DNAH7: variants seen among roughly 807,000 people sequenced by gnomAD.
The protein encoded by DNAH7 is dynein axonemal heavy chain 7.
In DNAH7, 397 loss-of-function variants were observed where a neutral mutation model predicts 444.6. That is an observed-to-expected ratio of 0.89 (90% CI 0.82 to 0.97). DNAH7 has a LOEUF of 0.97. Ranked by LOEUF, DNAH7 falls within the 50% of genes least tolerant of loss-of-function variation. The probability of loss-of-function intolerance (pLI) is 0.00; values close to 1 mark genes in which losing one functional copy is unlikely to be tolerated. For synonymous variants in DNAH7, 1,636 were observed against 1,624.4 expected (o/e 1.01, Z -0.17); for missense variants, 4,902 against 4,800.8 (o/e 1.02, Z -0.62).
chr2:196,040,986 G>A (rs1390562439), intron 5 of DNAH7, among the ~76,000 whole-genome samples: 1 of 151,522 alleles, frequency 6.6e-6, no homozygotes, highest in East Asian at 1.9e-4. Context: ...AATTACCTAG[G>A]AAGAAATTTA....
At chr2:195,917,078 G>A (rs915614735) in intron 24 of DNAH7, among the ~76,000 whole-genome samples, 2 of 145,746 alleles carry the variant, frequency 1.4e-5, no homozygotes, top group African/African-American at 5.2e-5. Flanking sequence ...CTCCAGCCTG[G>A]GCAACAGAGT....
Position 195,960,942 on chromosome 2 carries a change from C to T in DNAH7, c.2209G>A (p.Glu737Lys), listed in dbSNP as rs772649162. 18 of 1,581,034 alleles carry T rather than the reference C, an allele frequency of 1.1e-5. No individual in the cohort carries two copies. Among genetic ancestry groups the T allele is most frequent in the South Asian group, 4.7e-5 (4 of 85,990 alleles). ...GKLDLAADKI[E>K]QFNAEEEAFG... The stretch of plus-strand genomic sequence containing the variant: ...GCTTCCTCTTCAGCATTAAACTGCT[C>T]AATCTGAAAGGATAAGTATTGAATA... The change falls in exon 18 of 65, where the codon GAG (glutamate) becomes AAG (lysine). Residue 737 changes from glutamate to lysine, a missense_variant. By Grantham distance (56) the Glu-to-Lys change is moderately conservative. Transcript: ENST00000312428.
chr2:195,985,734 A>G (rs1692863077), intron 14 of DNAH7, among the ~76,000 whole-genome samples: 1 of 151,724 alleles, frequency 6.6e-6, no homozygotes, highest in South Asian at 2.1e-4. Flanking sequence ...AGGCAGGGGA[A>G]GTAGCTACGA....
intron 63 of DNAH7, among the ~76,000 whole-genome samples, chr2:195,748,641 G>T (rs1436628461): frequency 6.6e-6 from 1 of 152,120 alleles, no homozygotes; most frequent in Non-Finnish European, 1.5e-5. Flanking sequence ...AACAGAGATA[G>T]AGACCAATGG....
intron 30 of DNAH7, 66 bp downstream of exon 30, chr2:195,894,910 T>G: frequency 1.5e-6 from 2 of 1,365,426 alleles, no homozygotes; most frequent in Non-Finnish European, 1.9e-6. Context: ...TCTTTTAAAA[T>G]AATGGTACAT....
intron 24 of DNAH7, among the ~76,000 whole-genome samples, chr2:195,917,975 T>C (rs1380812970): frequency 1.3e-5 from 2 of 152,190 alleles, no homozygotes; most frequent in Non-Finnish European, 2.9e-5. Context: ...AGTCAAAAGA[T>C]AGTATTTAGA....
chr2:196,005,437 A>G (rs1160721106), intron 10 of DNAH7, among the ~76,000 whole-genome samples: 1 of 152,018 alleles, frequency 6.6e-6, no homozygotes, highest in Non-Finnish European at 1.5e-5. Context: ...GGTTGTTTAA[A>G]CAGATCAACA....
At position 195,906,650 on chromosome 2, in the gene DNAH7, CTTCCATACCTTCAGG is replaced by C; in HGVS notation, c.4329_4335+8del. The C allele has an allele frequency of 6.2e-7, 1 of 1,607,938 alleles. No individual in the cohort carries two copies. Among genetic ancestry groups the C allele is most frequent in the Non-Finnish European group, 8.5e-7 (1 of 1,177,534 alleles). On this transcript the variant is annotated splice_donor_variant and splice_donor_5th_base_variant and coding_sequence_variant and intron_variant, in exon 27 of 65. Coordinates refer to ENST00000312428, the MANE Select transcript of DNAH7 (RefSeq NM_018897.3). LOFTEE classifies it high-confidence loss of function. ...GAAGAAATAGATTATATAATAACTC[CTTCCATACCTTCAGG>C]TTATCTGGCAGTTCTGATCGCCCAG...
Position 195,737,920 on chromosome 2 carries a change from G to A in DNAH7, c.*1C>T. The A allele has an allele frequency of 6.2e-7, 1 of 1,613,524 alleles. No homozygotes were observed. Among genetic ancestry groups the A allele is most frequent in the Non-Finnish European group, 8.5e-7 (1 of 1,179,538 alleles). On this transcript the variant is annotated 3_prime_UTR_variant, in exon 65 of 65. Transcript: ENST00000312428. Reference sequence around the variant, plus strand: ...AGGAACAAGGAAATGATGTCTTCTGGTTATGAATTAAGTTGACATAACAGT... The same window carrying A: ...AGGAACAAGGAAATGATGTCTTCTGATTATGAATTAAGTTGACATAACAGT...
chr2:196,030,935 C>A (rs146559876), intron 5 of DNAH7, among the ~76,000 whole-genome samples: 1 of 152,186 alleles, frequency 6.6e-6, no homozygotes, highest in Non-Finnish European at 1.5e-5. Context: ...ATGCTGGGGT[C>A]TGAAGGACAG....
chr2:196,016,922 C>G (rs369683387), intron 9 of DNAH7, among the ~76,000 whole-genome samples: 1 of 152,026 alleles, frequency 6.6e-6, no homozygotes, highest in Non-Finnish European at 1.5e-5. Context: ...ATAAAAATTA[C>G]GAACTCTTAC....
Position 195,960,620 on chromosome 2 carries a change from A to G in DNAH7, c.2531T>C (p.Ile844Thr), listed in dbSNP as rs1233124360. 3.1e-6 allele frequency: 5 copies of G among 1,614,216 alleles called. No homozygotes were observed. Among genetic ancestry groups the G allele is most frequent in the Non-Finnish European group, 3.4e-6 (4 of 1,180,026 alleles). ...CCTGGGGCGCAAACCAGGATTACAG[A>G]TCACTTGAATGAGAGGAATGTGCTG... Reference protein sequence around the residue: ...FKQHIPLIQVICNPGLRPRHW... With the variant: ...FKQHIPLIQVTCNPGLRPRHW... Residue 844 changes from isoleucine to threonine, a missense_variant, in exon 18 of 65, where the codon ATC becomes ACC. Transcript: ENST00000312428.
At chr2:195,977,704 A>C (rs958661767) in intron 15 of DNAH7, among the ~76,000 whole-genome samples, 18 of 152,168 alleles carry the variant, frequency 1.2e-4, no homozygotes, top group African/African-American at 4.3e-4. Flanking sequence ...TTTAATAATC[A>C]AACTCCCAAA....
chr2:195,790,266 C>T (rs1695817526), intron 57 of DNAH7, among the ~76,000 whole-genome samples: 1 of 152,080 alleles, frequency 6.6e-6, no homozygotes, highest in African/African-American at 2.4e-5. Context: ...GCAATATACA[C>T]ATTCAACACC....
chr2:196,012,376 T>C, intron 10 of DNAH7, among the ~76,000 whole-genome samples: 1 of 152,264 alleles, frequency 6.6e-6, no homozygotes, highest in Non-Finnish European at 1.5e-5. Context: ...AACGATATAC[T>C]TTCCCCACTT....
chr2:196,051,962 A>G (rs2125865490), intron 2 of DNAH7, among the ~76,000 whole-genome samples: 1 of 152,256 alleles, frequency 6.6e-6, no homozygotes, highest in East Asian at 1.9e-4. Flanking sequence ...AGGCCACCCT[A>G]GTCTGTACGT....
chr2:195,997,747 T>C (rs555840982), intron 12 of DNAH7, among the ~76,000 whole-genome samples: 4 of 152,286 alleles, frequency 2.6e-5, no homozygotes, highest in African/African-American at 7.2e-5. Context: ...GCTATATAAA[T>C]TCCATTTCTG....
chr2:195,806,469 A>C (rs1696713891), intron 54 of DNAH7, among the ~76,000 whole-genome samples: 2 of 152,222 alleles, frequency 1.3e-5, no homozygotes, highest in African/African-American at 4.8e-5. Flanking sequence ...TAAAGGGAGT[A>C]GATTGTGAGT....
At chr2:195,890,156 A>C (rs1471512637) in intron 31 of DNAH7, among the ~76,000 whole-genome samples, 1 of 152,178 alleles carries the variant, frequency 6.6e-6, no homozygotes, top group African/African-American at 2.4e-5. Flanking sequence ...GCATTAATCT[A>C]TAAGATAACG....
Sources: allele counts gnomAD v4.1 joint callset (sites outside exome capture counted in the v4.1 genomes callset), GRCh38; gene constraint gnomAD v4.1.1; transcripts MANE v1.5; gene names NCBI Gene and HGNC (gene_info 2026-07-23, HGNC 2026-07-21).